The following DSCAM variants were observed in gnomAD, a reference collection of about 807,000 sequenced individuals.
The protein encoded by DSCAM is cell adhesion molecule DSCAM.
Under a neutral mutation model 217.7 loss-of-function variants are expected in DSCAM, and 47 were observed. That is an observed-to-expected ratio of 0.22 (90% CI 0.17 to 0.28). The LOEUF (loss-of-function observed/expected upper bound fraction) is 0.28, where lower values mean the gene tolerates loss of function less well. Ranked by LOEUF, DSCAM falls within the 10% of genes least tolerant of loss-of-function variation. DSCAM has a pLI of 1.00. For synonymous variants in DSCAM, 1,056 were observed against 1,015.3 expected, an observed-to-expected ratio of 1.04 and a Z score of -0.76; for missense variants, 2,080 against 2,618.3, an observed-to-expected ratio of 0.79 and a Z score of 4.49.
intron 10 of DSCAM, among the ~76,000 whole-genome samples, chr21:40,283,053 AC>A (rs1393012376): frequency 1.3e-5 from 2 of 152,218 alleles, no homozygotes; most frequent in African/African-American, 2.4e-5. Flanking sequence ...ATAATAGTGA[AC>A]ACACTGCCAA....
At chr21:40,027,143 T>C (rs1382040911) in intron 32 of DSCAM, among the ~76,000 whole-genome samples, 3 of 151,910 alleles carry the variant, frequency 2.0e-5, no homozygotes, top group Non-Finnish European at 4.4e-5. Flanking sequence ...TGAAGCTTAG[T>C]TTGGCTGGAT....
chr21:40,416,966 C>T (rs1000140283), intron 3 of DSCAM, among the ~76,000 whole-genome samples: 1 of 152,116 alleles, frequency 6.6e-6, no homozygotes, highest in Non-Finnish European at 1.5e-5. Flanking sequence ...AGGTGAAAAT[C>T]AAGGGACTCT....
chr21:40,692,107 A>G (rs2090544890), intron 3 of DSCAM, among the ~76,000 whole-genome samples: 1 of 152,254 alleles, frequency 6.6e-6, no homozygotes, highest in African/African-American at 2.4e-5. Context: ...AGCAGCCAAC[A>G]CATTTTGAGA....
At chr21:40,264,461 G>A (rs2073495809) in intron 11 of DSCAM, among the ~76,000 whole-genome samples, 1 of 152,078 alleles carries the variant, frequency 6.6e-6, no homozygotes, top group Admixed American at 6.6e-5. Flanking sequence ...AAAACCATAT[G>A]ATCATCTCAA....
intron 2 of DSCAM, among the ~76,000 whole-genome samples, chr21:40,703,982 T>C (rs1341100903): frequency 6.6e-6 from 1 of 152,170 alleles, no homozygotes; most frequent in Non-Finnish European, 1.5e-5. Flanking sequence ...ATTTCTTTCA[T>C]TATTATCATC....
chr21:40,645,176 C>G (rs2089931158), intron 3 of DSCAM, among the ~76,000 whole-genome samples: 1 of 152,160 alleles, frequency 6.6e-6, no homozygotes, highest in African/African-American at 2.4e-5. Context: ...CCTTTCCCTT[C>G]CTTCTGTGGT....
At chr21:40,678,670 T>C (rs1418265417) in intron 3 of DSCAM, among the ~76,000 whole-genome samples, 1 of 152,196 alleles carries the variant, frequency 6.6e-6, no homozygotes, top group Admixed American at 6.5e-5. Context: ...CTTAGATCCA[T>C]CATCATAAAT....
At chr21:40,577,373 A>G (rs1039721938) in intron 3 of DSCAM, among the ~76,000 whole-genome samples, 1 of 151,856 alleles carries the variant, frequency 6.6e-6, no homozygotes, top group African/African-American at 2.4e-5. Context: ...GTTGAATTTT[A>G]GGGCACTGAC....
intron 1 of DSCAM, among the ~76,000 whole-genome samples, chr21:40,796,274 C>T (rs572367982): frequency 3.3e-4 from 51 of 152,242 alleles, no homozygotes; most frequent in East Asian, 7.7e-4. Flanking sequence ...TCGGCAAATC[C>T]GAGCAGAAGT....
At chr21:40,411,175 TACACACACAC>T (rs902494368) in intron 3 of DSCAM, among the ~76,000 whole-genome samples, 123 of 45,138 alleles carry the variant, frequency 2.7e-3, no homozygotes, top group African/African-American at 6.7e-3. Flanking sequence ...AGTAATTATA[TACACACACAC>T]ACACACACAC....
intron 3 of DSCAM, among the ~76,000 whole-genome samples, chr21:40,416,751 T>C (rs1302448390): frequency 6.7e-6 from 1 of 150,072 alleles, no homozygotes. Flanking sequence ...GAATGATATG[T>C]CTAGGAGAGG....
rs1406423365 is a variant in DSCAM, at chr21:40,353,490, C to T, written c.909G>A (p.Lys303=). The T allele has an allele frequency of 2.5e-6, 4 of 1,610,320 alleles. No individual in the cohort carries two copies. Among genetic ancestry groups the T allele is most frequent in the Non-Finnish European group, 3.4e-6 (4 of 1,178,922 alleles). Reference sequence around the variant, plus strand: ...GTTTCACGTACAGGCGGCCTATCACCTTAGCAGTTCCGTATCTGTTGGACA... The same window carrying T: ...GTTTCACGTACAGGCGGCCTATCACTTTAGCAGTTCCGTATCTGTTGGACA... The part of the protein sequence containing the change: ...CEVSNRYGTA[K]VIGRLYVKQP... Residue 303 remains lysine (K), a synonymous_variant, in exon 5 of 33, where the codon AAG becomes AAA. Coordinates refer to ENST00000400454, the MANE Select transcript of DSCAM (RefSeq NM_001389.5).
At chr21:40,632,847 C>T (rs2089710707) in intron 3 of DSCAM, among the ~76,000 whole-genome samples, 1 of 152,146 alleles carries the variant, frequency 6.6e-6, no homozygotes, top group Non-Finnish European at 1.5e-5. Flanking sequence ...ATGTGCGAAT[C>T]CCTTCAAGAG....
At chr21:40,345,120 G>A (rs1238632937) in intron 6 of DSCAM, among the ~76,000 whole-genome samples, 1 of 151,550 alleles carries the variant, frequency 6.6e-6, no homozygotes, top group African/African-American at 2.4e-5. Context: ...TTTCTCTGTT[G>A]GTCTTTCCCA....
In DSCAM at chr21:40,052,804, G is replaced by A. The variant is rs530267919; in HGVS notation, c.5036-697C>T. On this transcript the variant is annotated intron_variant, in intron 29 of 32. Transcript: ENST00000400454. ...GTCCTACTGCCGTGGGCACTTGAAG[G>A]TGAGCGAGGCAGGAGCCTGGGTTTG... Among the ~76,000 whole-genome samples, 3 of 152,330 alleles carry A rather than the reference G, an allele frequency of 2.0e-5. No homozygotes were observed. In the South Asian group the frequency reaches 6.2e-4, roughly 32 times the overall value.
chr21:40,342,626 G>GTGTATATA (rs1491362590), intron 6 of DSCAM, among the ~76,000 whole-genome samples: 5 of 94,720 alleles, frequency 5.3e-5, no homozygotes, highest in Non-Finnish European at 5.6e-5. Context: ...GTGTGTGTGT[G>GTGTATATA]TATATATATA....
intron 10 of DSCAM, among the ~76,000 whole-genome samples, chr21:40,280,295 C>T (rs765836614): frequency 2.6e-5 from 4 of 151,614 alleles, no homozygotes; most frequent in Non-Finnish European, 5.9e-5. Flanking sequence ...AATCCTCCCC[C>T]CTCAGCCTCC....
chr21:40,508,765 ATATATATATATATATATATTTTTT>A (rs2076233297), intron 3 of DSCAM, among the ~76,000 whole-genome samples: 4 of 3,506 alleles, frequency 1.1e-3, no homozygotes, highest in African/African-American at 8.1e-3. Context: ...ATATATATAT[ATATATATATATATATATATTTTTT>A]TTTTTTTTTT....
intron 18 of DSCAM, among the ~76,000 whole-genome samples, chr21:40,141,050 T>C (rs1050941184): frequency 2.6e-5 from 4 of 151,652 alleles, no homozygotes; most frequent in African/African-American, 9.8e-5. Context: ...AGGGACACAG[T>C]TAGGGACATG....
Sources: allele counts gnomAD v4.1 joint callset (sites outside exome capture counted in the v4.1 genomes callset), GRCh38; gene constraint gnomAD v4.1.1; transcripts MANE v1.5; gene names NCBI Gene and HGNC (gene_info 2026-07-23, HGNC 2026-07-21).